The following SLC4A4 variants were observed in gnomAD, a reference collection of about 807,000 sequenced individuals.
SLC4A4 encodes the protein solute carrier family 4 member 4, also known as electrogenic sodium bicarbonate cotransporter 1.
In SLC4A4, 27 loss-of-function variants were observed where a neutral mutation model predicts 111.5. That is an observed-to-expected ratio of 0.24 (90% confidence interval 0.18 to 0.33). The LOEUF is 0.33. SLC4A4 is among the 10% of genes least tolerant of loss of function. The pLI, the probability that SLC4A4 is intolerant of heterozygous loss-of-function variation, is 1.00. For synonymous variants in SLC4A4, 443 were observed against 463.4 expected (o/e 0.96, Z 0.57); for missense variants, 909 against 1,315.5 (o/e 0.69, Z 4.78).
intron 7 of SLC4A4, among the ~76,000 whole-genome samples, chr4:71,416,726 G>T (rs1721857283): frequency 6.6e-6 from 1 of 151,890 alleles, no homozygotes; most frequent in Non-Finnish European, 1.5e-5. Context: ...AGTAATTTTA[G>T]AATTATTATT....
At chr4:71,416,293 A>G (rs1312000251) in intron 7 of SLC4A4, among the ~76,000 whole-genome samples, 1 of 152,248 alleles carries the variant, frequency 6.6e-6, no homozygotes, top group African/African-American at 2.4e-5. Flanking sequence ...GGACAGTACC[A>G]AACCTTACAT....
At chr4:71,202,090 A>C (rs1242233349) in intron 1 of SLC4A4, among the ~76,000 whole-genome samples, 1 of 152,234 alleles carries the variant, frequency 6.6e-6, no homozygotes, top group Admixed American at 6.5e-5. Context: ...GTCTTCAACT[A>C]TCCCATCACT....
chr4:71,143,271 C>T (rs1421795777), intron 2 of SLC4A4, among the ~76,000 whole-genome samples: 7 of 152,254 alleles, frequency 4.6e-5, no homozygotes, highest in African/African-American at 1.4e-4. Context: ...CTACAAAGGA[C>T]ATGAACTCAT....
At chr4:71,311,008 AAAAC>A (rs778479085) in intron 3 of SLC4A4, among the ~76,000 whole-genome samples, 9 of 152,192 alleles carry the variant, frequency 5.9e-5, no homozygotes, top group Non-Finnish European at 1.0e-4. Context: ...TGGAAAGCAA[AAAAC>A]AAACAAACAA....
chr4:71,241,645 G>A (rs1720234056), intron 2 of SLC4A4, among the ~76,000 whole-genome samples: 1 of 152,180 alleles, frequency 6.6e-6, no homozygotes, highest in African/African-American at 2.4e-5. Flanking sequence ...CTGGATATAA[G>A]TGTCCGGTTG....
chr4:71,148,367 A>C (rs1022160503), intron 2 of SLC4A4, among the ~76,000 whole-genome samples: 5 of 152,164 alleles, frequency 3.3e-5, no homozygotes, highest in African/African-American at 1.2e-4. Context: ...CTGGATCTCC[A>C]AACCTTCCAA....
intron 23 of SLC4A4, among the ~76,000 whole-genome samples, chr4:71,561,943 C>T (rs886434108): frequency 2.0e-5 from 3 of 151,676 alleles, no homozygotes; most frequent in African/African-American, 7.3e-5. Context: ...ATTATGGAAT[C>T]CCCCTCTGTA....
chr4:71,296,921 T>C (rs544864823), intron 3 of SLC4A4, among the ~76,000 whole-genome samples: 2 of 152,356 alleles, frequency 1.3e-5, no homozygotes, highest in African/African-American at 4.8e-5. Flanking sequence ...CTCATCTGGA[T>C]TTTAAAGTAT....
chr4:71,338,776 T>A (rs1403752459), intron 3 of SLC4A4, among the ~76,000 whole-genome samples: 1 of 151,758 alleles, frequency 6.6e-6, no homozygotes, highest in Non-Finnish European at 1.5e-5. Context: ...TGCATTGAAG[T>A]GTGACTAAAC....
intron 18 of SLC4A4, among the ~76,000 whole-genome samples, chr4:71,537,784 TGCCCTCTCCCACAGA>T (rs938250019): frequency 4.6e-5 from 7 of 152,056 alleles, no homozygotes; most frequent in African/African-American, 1.7e-4. Context: ...CTCCCATCTA[TGCCCTCTCCCACAGA>T]GCCCGAGAAT....
intron 20 of SLC4A4, among the ~76,000 whole-genome samples, chr4:71,548,707 T>C (rs1223316937): frequency 6.6e-6 from 1 of 151,900 alleles, no homozygotes; most frequent in East Asian, 1.9e-4. Context: ...AATGCTCATA[T>C]AATTACATAA....
intron 16 of SLC4A4, among the ~76,000 whole-genome samples, chr4:71,509,826 G>T (rs906303921): frequency 6.6e-6 from 1 of 152,158 alleles, no homozygotes; most frequent in African/African-American, 2.4e-5. Flanking sequence ...GTTCTTAGTT[G>T]TACTGTTGGT....
chr4:71,353,107 T>C (rs1405474149), intron 5 of SLC4A4, among the ~76,000 whole-genome samples: 2 of 152,182 alleles, frequency 1.3e-5, no homozygotes, highest in African/African-American at 4.8e-5. Flanking sequence ...AGAGAAGGTT[T>C]TGGTACTTAC....
At chr4:71,487,689 G>T (rs886088736) in intron 15 of SLC4A4, among the ~76,000 whole-genome samples, 5 of 151,574 alleles carry the variant, frequency 3.3e-5, no homozygotes, top group African/African-American at 1.2e-4. Context: ...CAATCTTTCA[G>T]TTATAAAGAC....
At chr4:71,205,505 G>A (rs1379928220) in intron 1 of SLC4A4, among the ~76,000 whole-genome samples, 1 of 152,052 alleles carries the variant, frequency 6.6e-6, no homozygotes, top group African/African-American at 2.4e-5. Context: ...ACCCACAGCT[G>A]GGCTTCAGAG....
At chr4:71,465,493 C>T (rs931694334) in intron 12 of SLC4A4, among the ~76,000 whole-genome samples, 6 of 149,694 alleles carry the variant, frequency 4.0e-5, no homozygotes, top group Non-Finnish European at 8.9e-5. Flanking sequence ...AAAGTAATCG[C>T]GGTTTTTGCC....
At chr4:71,233,285 C>T in intron 1 of SLC4A4, 1 of 985,312 alleles carries the variant, frequency 1.0e-6, no homozygotes, top group Non-Finnish European at 1.2e-6. Flanking sequence ...CTACTGAATG[C>T]CTCCTCTGTG....
At chr4:71,421,721 T>A (rs1290822684) in intron 7 of SLC4A4, among the ~76,000 whole-genome samples, 1 of 152,198 alleles carries the variant, frequency 6.6e-6, no homozygotes, top group Non-Finnish European at 1.5e-5. Flanking sequence ...CTGAACAACC[T>A]GCTCCTGAAT....
At chr4:71,519,859 A>C (rs1032829787) in intron 16 of SLC4A4, among the ~76,000 whole-genome samples, 1 of 152,070 alleles carries the variant, frequency 6.6e-6, no homozygotes, top group African/African-American at 2.4e-5. Flanking sequence ...CATGTTGGCT[A>C]GGCTGGTCTT....
Sources: allele counts gnomAD v4.1 joint callset (sites outside exome capture counted in the v4.1 genomes callset), GRCh38; gene constraint gnomAD v4.1.1; transcripts MANE v1.5; gene names NCBI Gene and HGNC (gene_info 2026-07-23, HGNC 2026-07-21).